The following SCAPER variants were observed in gnomAD, a reference collection of about 807,000 sequenced individuals.
The protein encoded by SCAPER is S-phase cyclin A associated protein in the ER, also known as S phase cyclin A-associated protein in the endoplasmic reticulum.
In SCAPER, 98 loss-of-function variants were observed where a neutral mutation model predicts 182.2. The observed-to-expected ratio is 0.54, with a 90% CI of 0.46 to 0.64. The LOEUF (loss-of-function observed/expected upper bound fraction) is 0.64, where lower values mean the gene tolerates loss of function less well. Ranked by LOEUF, SCAPER falls within the 30% of genes least tolerant of loss-of-function variation. The pLI is 0.00. For synonymous variants in SCAPER, 605 were observed against 564.6 expected (o/e 1.07, Z -1.01); for missense variants, 1,432 against 1,690.0 (o/e 0.85, Z 2.68).
intron 24 of SCAPER, among the ~76,000 whole-genome samples, chr15:76,489,527 A>G (rs2052066456): frequency 6.6e-6 from 1 of 151,880 alleles, no homozygotes. Flanking sequence ...ATTGTGCCAC[A>G]TGTAGCTGTT....
At chr15:76,514,872 G>T (rs983802308) in intron 23 of SCAPER, among the ~76,000 whole-genome samples, 3 of 152,148 alleles carry the variant, frequency 2.0e-5, no homozygotes, top group African/African-American at 7.2e-5. Context: ...TAGTTTAAAA[G>T]AAGGAAGCAC....
intron 29 of SCAPER, among the ~76,000 whole-genome samples, chr15:76,362,415 C>CTTT (rs539666470): frequency 7.0e-6 from 1 of 143,480 alleles, no homozygotes; most frequent in Non-Finnish European, 1.5e-5. Context: ...CTTGCTCCCT[C>CTTT]TTTTTTTTTT....
intron 21 of SCAPER, among the ~76,000 whole-genome samples, chr15:76,652,197 C>A (rs1434963389): frequency 7.3e-6 from 1 of 136,308 alleles, no homozygotes; most frequent in Non-Finnish European, 1.5e-5. Flanking sequence ...GCAGGTGGAT[C>A]ACTTGAGGTC....
At chr15:76,541,456 C>G (rs998330959) in intron 23 of SCAPER, among the ~76,000 whole-genome samples, 2 of 152,074 alleles carry the variant, frequency 1.3e-5, no homozygotes, top group African/African-American at 4.8e-5. Context: ...TAGTTTTGTT[C>G]TCTTTAGGGG....
chr15:76,559,392 C>A (rs28872583), intron 23 of SCAPER, among the ~76,000 whole-genome samples: 2 of 151,838 alleles, frequency 1.3e-5, no homozygotes, highest in South Asian at 2.1e-4. Context: ...CTTTCCCCTT[C>A]GCTCAGCACT....
chr15:76,615,509 AC>A (rs2051388014), intron 22 of SCAPER, among the ~76,000 whole-genome samples: 1 of 146,794 alleles, frequency 6.8e-6, no homozygotes, highest in Non-Finnish European at 1.5e-5. Context: ...ACACACACAC[AC>A]ACACACACAC....
chr15:76,710,799 CA>C (rs1158693866), intron 17 of SCAPER, among the ~76,000 whole-genome samples: 1 of 151,928 alleles, frequency 6.6e-6, no homozygotes, highest in Non-Finnish European at 1.5e-5. Flanking sequence ...TGAAAAAGAA[CA>C]AAGAAGTTGG....
chr15:76,902,496 T>A (rs28535975), intron 1 of SCAPER, among the ~76,000 whole-genome samples: 6,493 of 152,194 alleles, frequency 0.043, 375 homozygotes, highest in East Asian at 0.13. Flanking sequence ...AATTTTTTTT[T>A]AAAAAAAGGT....
At chr15:76,512,074 G>A (rs2042094757) in intron 23 of SCAPER, among the ~76,000 whole-genome samples, 1 of 151,062 alleles carries the variant, frequency 6.6e-6, no homozygotes, top group South Asian at 2.1e-4. Context: ...TTTTAGTAGA[G>A]ACGGGGTTTC....
At chr15:76,580,873 G>T (rs1368840999) in intron 22 of SCAPER, among the ~76,000 whole-genome samples, 1 of 151,950 alleles carries the variant, frequency 6.6e-6, no homozygotes, top group Non-Finnish European at 1.5e-5. Context: ...TGAGAAGTTG[G>T]TTTTTTGAAA....
rs1306889607 is a variant in SCAPER, at chr15:76,348,711, A to G, written c.4125T>C (p.Tyr1375=). 3.9e-6 allele frequency: 6 copies of G among 1,551,960 alleles called. No individual in the cohort carries two copies. Among genetic ancestry groups the G allele is most frequent in the Non-Finnish European group, 5.2e-6 (6 of 1,146,092 alleles). The change falls in exon 32 of 32, where the codon TAT becomes TAC. Residue 1375 remains tyrosine (Y), a synonymous_variant. Transcript: ENST00000563290. ...GAGGAAATCTGTTAGCCAGCTCAAG[A>G]TAGTCTTGGGAACCAAGGCATTTCC... ...PKGKCLGSQD[Y]LELANRFPQQ...
At chr15:76,659,034 CA>C (rs1347662708) in intron 21 of SCAPER, among the ~76,000 whole-genome samples, 1 of 152,004 alleles carries the variant, frequency 6.6e-6, no homozygotes, top group Non-Finnish European at 1.5e-5. Flanking sequence ...ATGAAGAAGC[CA>C]AAAACAATTG....
intron 15 of SCAPER, among the ~76,000 whole-genome samples, chr15:76,734,026 T>C (rs931643034): frequency 6.6e-6 from 1 of 152,226 alleles, no homozygotes; most frequent in African/African-American, 2.4e-5. Context: ...TTAATAACAG[T>C]GTAATTTGCA....
Position 76,471,346 on chromosome 15 carries a change from G to T in SCAPER, c.2955-11C>A. The stretch of plus-strand genomic sequence containing the variant: ...GCATTGCAGAGAGACCTAAAAGAAG[G>T]AGAAAAACACCATTTATAAAACCCG... On this transcript the variant is annotated splice_polypyrimidine_tract_variant and intron_variant, in intron 24 of 31. Transcript: ENST00000563290. The T allele has an allele frequency of 6.3e-7, 1 of 1,592,228 alleles. No homozygotes were observed. The highest frequency in any genetic ancestry group is 8.5e-7 in the Non-Finnish European group (1 of 1,172,040).
intron 20 of SCAPER, among the ~76,000 whole-genome samples, chr15:76,682,269 C>T (rs2057761520): frequency 7.1e-6 from 1 of 141,466 alleles, no homozygotes; most frequent in Admixed American, 7.1e-5. Flanking sequence ...TCCCTTCCCC[C>T]CCCCACCCCA....
intron 20 of SCAPER, among the ~76,000 whole-genome samples, chr15:76,674,604 C>G (rs531639144): frequency 6.6e-6 from 1 of 151,824 alleles, no homozygotes; most frequent in African/African-American, 2.4e-5. Context: ...AACAACAGCT[C>G]TAATCATGAA....
At chr15:76,394,227 C>A (rs1183571859) in intron 27 of SCAPER, among the ~76,000 whole-genome samples, 1 of 152,128 alleles carries the variant, frequency 6.6e-6, no homozygotes. Flanking sequence ...ACTAGGGAGA[C>A]AGATTTCAGC....
chr15:76,752,486 C>A (rs914770441), intron 15 of SCAPER, among the ~76,000 whole-genome samples: 2 of 151,654 alleles, frequency 1.3e-5, no homozygotes, highest in Non-Finnish European at 3.0e-5. Context: ...ACTCAAATGT[C>A]CATTGAGGTA....
chr15:76,845,927 T>A (rs1412430497), intron 4 of SCAPER, among the ~76,000 whole-genome samples: 1 of 151,892 alleles, frequency 6.6e-6, no homozygotes, highest in African/African-American at 2.4e-5. Flanking sequence ...GGAATCACAT[T>A]ACCTGAATTA....
Sources: gnomAD v4.1 joint callset for allele counts (sites outside exome capture counted in the v4.1 genomes callset) on GRCh38, gnomAD v4.1.1 for gene constraint, MANE v1.5 for transcripts, NCBI Gene and HGNC (gene_info 2026-07-23, HGNC 2026-07-21) for gene names.